The following NXPH1 variants were observed in gnomAD, a reference collection of about 807,000 sequenced individuals.
The protein encoded by NXPH1 is neurexophilin-1.
Under a neutral mutation model 23.7 loss-of-function variants are expected in NXPH1, and 5 were observed. The observed-to-expected ratio is 0.21, with a 90% confidence interval of 0.11 to 0.44. NXPH1 has a LOEUF of 0.44. NXPH1 is among the 20% of genes least tolerant of loss of function. The pLI is 0.99. For synonymous variants in NXPH1, 144 were observed against 122.2 expected (o/e 1.18, Z -1.18); for missense variants, 324 against 321.6 (o/e 1.01, Z -0.06).
intron 2 of NXPH1, among the ~76,000 whole-genome samples, chr7:8,497,677 C>T (rs1237080690): frequency 6.6e-6 from 1 of 152,098 alleles, no homozygotes; most frequent in East Asian, 1.9e-4. Flanking sequence ...GAAGTATCTG[C>T]TCATATCCTT....
At chr7:8,453,801 T>A (rs1364500695) in intron 2 of NXPH1, among the ~76,000 whole-genome samples, 1 of 152,052 alleles carries the variant, frequency 6.6e-6, no homozygotes, top group Non-Finnish European at 1.5e-5. Context: ...ATGTACCAAA[T>A]TTTTTTTATC....
intron 2 of NXPH1, among the ~76,000 whole-genome samples, chr7:8,466,365 G>A (rs1332617242): frequency 1.3e-5 from 2 of 152,178 alleles, no homozygotes; most frequent in Non-Finnish European, 2.9e-5. Context: ...TGGGAACGAT[G>A]AGCTCTTTTT....
At chr7:8,551,075 C>G (rs1363897321) in intron 2 of NXPH1, among the ~76,000 whole-genome samples, 2 of 151,376 alleles carry the variant, frequency 1.3e-5, no homozygotes, top group Non-Finnish European at 3.0e-5. Context: ...ACTGAAATAT[C>G]TTAGTTTTTT....
chr7:8,601,882 T>G (rs761389755), intron 2 of NXPH1, among the ~76,000 whole-genome samples: 9 of 152,226 alleles, frequency 5.9e-5, no homozygotes, highest in Non-Finnish European at 1.0e-4. Flanking sequence ...CTGGAAATAT[T>G]TGGCTTTAAA....
intron 2 of NXPH1, among the ~76,000 whole-genome samples, chr7:8,449,344 T>A (rs943784693): frequency 6.6e-6 from 1 of 152,230 alleles, no homozygotes; most frequent in Non-Finnish European, 1.5e-5. Context: ...CTATTTTGTT[T>A]TATATTTGAC....
At chr7:8,744,079 C>A (rs1780426807) in intron 2 of NXPH1, among the ~76,000 whole-genome samples, 1 of 152,134 alleles carries the variant, frequency 6.6e-6, no homozygotes, top group African/African-American at 2.4e-5. Context: ...AGGTATGCTC[C>A]TTTGATGTTA....
At chr7:8,693,627 C>T (rs1208833287) in intron 2 of NXPH1, among the ~76,000 whole-genome samples, 1 of 152,126 alleles carries the variant, frequency 6.6e-6, no homozygotes. Flanking sequence ...TTTGAAGGTT[C>T]ATTGTTTAAA....
chr7:8,635,777 G>T (rs1022564525), intron 2 of NXPH1, among the ~76,000 whole-genome samples: 1 of 152,160 alleles, frequency 6.6e-6, no homozygotes, highest in South Asian at 2.1e-4. Context: ...AGATGAAACA[G>T]CTTTTTTTCT....
At position 8,608,894 on chromosome 7, in the gene NXPH1, G is replaced by A. The variant is rs115357700; in HGVS notation, c.55-142114G>A. Among the ~76,000 whole-genome samples the A allele has an allele frequency of 6.3e-3, 963 of 152,230 alleles. 13 individuals carry two copies. Among genetic ancestry groups the A allele is most frequent in the African/African-American group, 0.021 (893 of 41,548 alleles). The stretch of plus-strand genomic sequence containing the variant: ...TTGATCACACTTAAAAATTACTTGT[G>A]TAATTAGGTACAACATTAAAATGAG... On this transcript the variant is annotated intron_variant, in intron 2 of 2. Coordinates refer to ENST00000405863, the MANE Select transcript of NXPH1 (RefSeq NM_152745.3).
At chr7:8,515,065 G>A (rs1483485425) in intron 2 of NXPH1, among the ~76,000 whole-genome samples, 1 of 152,118 alleles carries the variant, frequency 6.6e-6, no homozygotes, top group East Asian at 1.9e-4. Context: ...GTGTGTAAGA[G>A]TGCACACATG....
intron 2 of NXPH1, among the ~76,000 whole-genome samples, chr7:8,703,127 C>A (rs1253532839): frequency 6.6e-6 from 1 of 152,096 alleles, no homozygotes; most frequent in Non-Finnish European, 1.5e-5. Flanking sequence ...GGAAACTTAT[C>A]TTGGCCTTCC....
At chr7:8,716,507 A>G (rs1489494761) in intron 2 of NXPH1, among the ~76,000 whole-genome samples, 5 of 152,220 alleles carry the variant, frequency 3.3e-5, no homozygotes, top group African/African-American at 4.8e-5. Context: ...TTTTTATCCA[A>G]TTTATTGTAT....
intron 2 of NXPH1, among the ~76,000 whole-genome samples, chr7:8,508,340 C>T (rs1337050267): frequency 6.6e-6 from 1 of 152,100 alleles, no homozygotes; most frequent in African/African-American, 2.4e-5. Context: ...GAGTACATCT[C>T]TGAGCTTTGC....
chr7:8,703,261 A>G (rs985609516), intron 2 of NXPH1, among the ~76,000 whole-genome samples: 21 of 152,206 alleles, frequency 1.4e-4, no homozygotes, highest in Non-Finnish European at 2.5e-4. Context: ...CACACCTCTC[A>G]TATTTCTCAA....
intron 2 of NXPH1, among the ~76,000 whole-genome samples, chr7:8,495,185 G>A (rs1032261741): frequency 6.6e-6 from 1 of 151,896 alleles, no homozygotes; most frequent in Admixed American, 6.6e-5. Flanking sequence ...GGGCAGGTTG[G>A]TAGCCTGCCT....
At chr7:8,537,438 C>T (rs973759167) in intron 2 of NXPH1, among the ~76,000 whole-genome samples, 1 of 151,930 alleles carries the variant, frequency 6.6e-6, no homozygotes, top group Non-Finnish European at 1.5e-5. Flanking sequence ...CAAACATGTC[C>T]TTCACATGGT....
In NXPH1 at chr7:8,579,101, G is replaced by C. The variant is rs529633914; in HGVS notation, c.54+143334G>C. Among the ~76,000 whole-genome samples, 40 of 152,312 alleles carry C rather than the reference G, an allele frequency of 2.6e-4. No homozygotes were observed. In the East Asian group the frequency reaches 5.0e-3, roughly 19 times the overall value. ...TTGTGAAAGTTAAAGGGAGAAACGT[G>C]AAGTGCAAGGCTGCGTGTGGCTGAT... is the stretch of plus-strand genomic sequence containing the variant. On this transcript the variant is annotated intron_variant, in intron 2 of 2. Coordinates refer to ENST00000405863, the MANE Select transcript of NXPH1 (RefSeq NM_152745.3).
At position 8,711,555 on chromosome 7, in the gene NXPH1, C is replaced by T. The variant is rs548104387; in HGVS notation, c.55-39453C>T. ...TTAAGTGTCAGAATAATGGTGTCAA[C>T]ATGGGCTGGCACAATTTATGGAAGG... On this transcript the variant is annotated intron_variant, in intron 2 of 2. Transcript: ENST00000405863. 3.3e-5 allele frequency among the ~76,000 whole-genome samples: 5 copies of T among 152,254 alleles called. No homozygotes were observed. The South Asian group carries it at 1.0e-3, about 32-fold the overall frequency.
At chr7:8,594,378 T>C (rs1005495013) in intron 2 of NXPH1, among the ~76,000 whole-genome samples, 9 of 152,034 alleles carry the variant, frequency 5.9e-5, no homozygotes, top group Admixed American at 5.9e-4. Flanking sequence ...AAACAGCTGG[T>C]AAAGATAACT....
Sources: allele counts gnomAD v4.1 joint callset (sites outside exome capture counted in the v4.1 genomes callset), GRCh38; gene constraint gnomAD v4.1.1; transcripts MANE v1.5; gene names NCBI Gene and HGNC (gene_info 2026-07-23, HGNC 2026-07-21).